SASH1: variants seen among roughly 807,000 people sequenced by gnomAD.
The protein encoded by SASH1 is SAM and SH3 domain containing 1, also known as SAM and SH3 domain-containing protein 1.
In SASH1, 44 loss-of-function variants were observed where a neutral mutation model predicts 125.2. That is an observed-to-expected ratio of 0.35 (90% CI 0.28 to 0.45). The LOEUF (loss-of-function observed/expected upper bound fraction) is 0.45. SASH1 is among the 20% of genes least tolerant of loss of function. The pLI is 1.00. For synonymous variants in SASH1, 639 were observed against 649.1 expected (o/e 0.98, Z 0.24); for missense variants, 1,426 against 1,614.5 (o/e 0.88, Z 2.00).
At chr6:148,312,916 G>A (rs1489392398) in intron 1 of SASH1, among the ~76,000 whole-genome samples, 1 of 152,118 alleles carries the variant, frequency 6.6e-6, no homozygotes, top group Non-Finnish European at 1.5e-5. Flanking sequence ...AAAGCTTCCT[G>A]GGGAGGTGGC....
At chr6:148,209,172 T>C in the SASH1 span, among the ~76,000 whole-genome samples, 3 of 152,256 alleles carry the variant, frequency 2.0e-5, no homozygotes, top group Admixed American at 6.5e-5. Flanking sequence ...ACCTGAATTT[T>C]GATTCAGTGT....
intron 1 of SASH1, among the ~76,000 whole-genome samples, chr6:148,302,208 GGGAGGCAGCA>G (rs1554231589): frequency 6.7e-6 from 1 of 149,822 alleles, no homozygotes; most frequent in Non-Finnish European, 1.5e-5. Context: ...CCAGCTACTC[GGGAGGCAGCA>G]GGAGAATGGC....
At chr6:148,322,153 C>A (rs904335618) in intron 1 of SASH1, among the ~76,000 whole-genome samples, 3 of 151,998 alleles carry the variant, frequency 2.0e-5, no homozygotes, top group Non-Finnish European at 2.9e-5. Context: ...GAGTTCGAGA[C>A]CAGCCTGGCC....
chr6:148,430,790 G>A lies in SASH1; in HGVS notation c.286-9394G>A, dbSNP rs1205336105. 2.0e-5 allele frequency among the ~76,000 whole-genome samples: 3 copies of A among 152,230 alleles called. No homozygotes were observed. In the East Asian group the frequency reaches 5.8e-4, roughly 29 times the overall value. On this transcript the variant is annotated intron_variant, in intron 2 of 19. Transcript: ENST00000367467. ...TAGCAGGTTCCCAGGTGATGCTGATGCAGATGGTCCACAAATCACATTTTG... is the reference window on the plus strand; with the variant it reads ...TAGCAGGTTCCCAGGTGATGCTGATACAGATGGTCCACAAATCACATTTTG...
rs114551856 is a variant in SASH1, at chr6:148,533,647, T to C, written c.1735-124T>C. On this transcript the variant is annotated intron_variant, in intron 14 of 19. Coordinates refer to ENST00000367467, the MANE Select transcript of SASH1 (RefSeq NM_015278.5). This position sits in a 1 kb window ranked among gnomAD's most constrained non-coding sequence, Gnocchi z 6.2. Reference sequence around the variant, plus strand: ...GCAGGTCACTCAGAGGGGTGACTTGTGGGACCCCGATTCTGGCCTTTGTGG... The same window carrying C: ...GCAGGTCACTCAGAGGGGTGACTTGCGGGACCCCGATTCTGGCCTTTGTGG... 5.8e-3 allele frequency: 5,089 copies of C among 881,872 alleles called. 147 individuals carry two copies. In the African/African-American group the frequency reaches 0.068, roughly 12 times the overall value. The allele number at this position is 881,872 out of a possible 1,614,324, so 54.6% of individuals were successfully genotyped here.
At chr6:148,439,091 A>G (rs1045193837) in intron 2 of SASH1, among the ~76,000 whole-genome samples, 4 of 152,242 alleles carry the variant, frequency 2.6e-5, no homozygotes, top group Non-Finnish European at 5.9e-5. Flanking sequence ...GTGAAAATGC[A>G]TAATTTACAT....
At chr6:148,450,728 A>G (rs1777061565) in intron 4 of SASH1, among the ~76,000 whole-genome samples, 1 of 147,582 alleles carries the variant, frequency 6.8e-6, no homozygotes, top group Admixed American at 6.9e-5. Context: ...TGAGGTATAT[A>G]TTATATTTGA....
chr6:148,294,288 C>T (rs1447107739), intron 1 of SASH1, among the ~76,000 whole-genome samples: 1 of 152,202 alleles, frequency 6.6e-6, no homozygotes, highest in East Asian at 1.9e-4. Flanking sequence ...GCAGGATCAG[C>T]GGTTGAAATG....
intron 7 of SASH1, among the ~76,000 whole-genome samples, chr6:148,485,421 GA>G (rs1325593270): frequency 6.6e-6 from 1 of 152,120 alleles, no homozygotes; most frequent in Non-Finnish European, 1.5e-5. Flanking sequence ...AAGTTAATGT[GA>G]ACTTTGAGCT....
chr6:148,257,403 AG>A, the SASH1 span, among the ~76,000 whole-genome samples: 1 of 152,174 alleles, frequency 6.6e-6, no homozygotes, highest in Non-Finnish European at 1.5e-5. Context: ...TAGAGACAAA[AG>A]TTGACATCTG....
chr6:148,389,668 CTT>C (rs1441603368), intron 1 of SASH1, among the ~76,000 whole-genome samples: 1 of 152,178 alleles, frequency 6.6e-6, no homozygotes, highest in African/African-American at 2.4e-5. Flanking sequence ...CCTGACATCT[CTT>C]TTATGAGCTT....
At chr6:148,315,106 G>T (rs1161749121) in intron 1 of SASH1, among the ~76,000 whole-genome samples, 1 of 152,040 alleles carries the variant, frequency 6.6e-6, no homozygotes, top group Non-Finnish European at 1.5e-5. Flanking sequence ...GCATTTAAGG[G>T]ATTAAATTAG....
At chr6:148,260,796 CTTTTTTTTTT>C in the SASH1 span, among the ~76,000 whole-genome samples, 10 of 104,070 alleles carry the variant, frequency 9.6e-5, no homozygotes, top group Non-Finnish European at 1.1e-4. Context: ...CCTATAAGGG[CTTTTTTTTTT>C]TTTTTTTTTT....
the SASH1 span, among the ~76,000 whole-genome samples, chr6:148,212,105 G>C: frequency 6.6e-6 from 1 of 152,170 alleles, no homozygotes; most frequent in South Asian, 2.1e-4. Flanking sequence ...GGGTACACTG[G>C]GCAGCAGACA....
chr6:148,448,906 C>T (rs1776938765), intron 4 of SASH1, among the ~76,000 whole-genome samples: 1 of 152,084 alleles, frequency 6.6e-6, no homozygotes, highest in Admixed American at 6.6e-5. Flanking sequence ...CTTTTCTGCC[C>T]TTCACCCAGA....
chr6:148,509,747 GA>G (rs1169446997), intron 8 of SASH1, among the ~76,000 whole-genome samples: 1 of 152,264 alleles, frequency 6.6e-6, no homozygotes, highest in Non-Finnish European at 1.5e-5. Context: ...GGAGCAGGGA[GA>G]GGATGCATTT....
intron 1 of SASH1, among the ~76,000 whole-genome samples, chr6:148,311,932 TC>T (rs1371346935): frequency 6.6e-6 from 1 of 152,194 alleles, no homozygotes; most frequent in Non-Finnish European, 1.5e-5. Context: ...CTCTGGTACA[TC>T]CCCACAGTGG....
At position 148,407,841 on chromosome 6, in the gene SASH1, C is replaced by T. The variant is rs143638316; in HGVS notation, c.285+17579C>T. On this transcript the variant is annotated intron_variant, in intron 2 of 19. Transcript: ENST00000367467. ...AGAGATGGGGTTTCACCATGTTAGCCAGGCTGGTCTCAAACTCCTGACCTT... is the reference window on the plus strand; with the variant it reads ...AGAGATGGGGTTTCACCATGTTAGCTAGGCTGGTCTCAAACTCCTGACCTT... Among the ~76,000 whole-genome samples, 1,342 of 152,218 alleles carry T rather than the reference C, an allele frequency of 8.8e-3. 15 individuals are homozygous for T. The highest frequency in any genetic ancestry group is 0.031 in the African/African-American group (1,286 of 41,532).
the SASH1 span, among the ~76,000 whole-genome samples, chr6:148,211,859 A>G: frequency 5.6e-4 from 86 of 152,270 alleles, no homozygotes; most frequent in South Asian, 3.7e-3. Context: ...AGCATCTGTT[A>G]TATGGATGCT....
Sources: allele counts gnomAD v4.1 joint callset (sites outside exome capture counted in the v4.1 genomes callset), GRCh38; gene constraint gnomAD v4.1.1; non-coding constraint Gnocchi (gnomAD v3.1); transcripts MANE v1.5; gene names NCBI Gene and HGNC (gene_info 2026-07-23, HGNC 2026-07-21).